Variants in MEMO1 observed in about 807,000 individuals in gnomAD.
MEMO1 encodes the protein mediator of cell motility 1, also known as protein MEMO1.
Under a neutral mutation model 45.2 loss-of-function variants are expected in MEMO1, and 6 were observed. The observed-to-expected ratio is 0.13, with a 90% CI of 0.07 to 0.26. The LOEUF (loss-of-function observed/expected upper bound fraction) is 0.26. Among genes scored for constraint, MEMO1 ranks in the 10% least tolerant of loss-of-function variants. The probability of loss-of-function intolerance (pLI) is 1.00; values close to 1 mark genes in which losing one functional copy is unlikely to be tolerated. For synonymous variants in MEMO1, 78 were observed against 124.3 expected (o/e 0.63, Z 2.48); for missense variants, 184 against 370.5 (o/e 0.50, Z 4.13).
intron 3 of MEMO1, among the ~76,000 whole-genome samples, chr2:31,936,163 C>T (rs1166901171): frequency 6.6e-6 from 1 of 151,970 alleles, no homozygotes; most frequent in Non-Finnish European, 1.5e-5. Flanking sequence ...GGGGTTTCAC[C>T]ATATGGGCCA....
At chr2:31,934,356 T>C (rs1005045597) in intron 3 of MEMO1, among the ~76,000 whole-genome samples, 1 of 151,938 alleles carries the variant, frequency 6.6e-6, no homozygotes, top group Admixed American at 6.6e-5. Flanking sequence ...TTTCTACCAA[T>C]CCTGTTCCTG....
At chr2:31,964,301 T>C (rs1668359919) in intron 2 of MEMO1, among the ~76,000 whole-genome samples, 1 of 151,712 alleles carries the variant, frequency 6.6e-6, no homozygotes, top group African/African-American at 2.4e-5. Flanking sequence ...GAAAGTGAGA[T>C]AGAGGTGAAA....
chr2:31,956,396 T>C (rs748557152), intron 2 of MEMO1, among the ~76,000 whole-genome samples: 2 of 152,200 alleles, frequency 1.3e-5, no homozygotes, highest in African/African-American at 2.4e-5. Context: ...TTTTTATTTT[T>C]CATATATTTC....
rs61352460 is a variant in MEMO1 at position 31,966,193 on chromosome 2, C to G, written c.62-22810G>C. Among the ~76,000 whole-genome samples the G allele has an allele frequency of 2.9e-3, 439 of 152,278 alleles. 4 individuals are homozygous for G. Among genetic ancestry groups the G allele is most frequent in the African/African-American group, 1.0e-2 (415 of 41,560 alleles). ...TCACAAGTCTAAATGCAGTTAGCGC[C>G]TCTTTCCAACTACCATCCCTTCATT... is the stretch of plus-strand genomic sequence containing the variant. On this transcript the variant is annotated intron_variant, in intron 2 of 9. Transcript: ENST00000404530.
At chr2:31,898,729 T>C (rs1164696875) in intron 6 of MEMO1, among the ~76,000 whole-genome samples, 1 of 152,190 alleles carries the variant, frequency 6.6e-6, no homozygotes, top group Non-Finnish European at 1.5e-5. Context: ...CTATTAGGTC[T>C]GCGTGGTCCA....
intron 6 of MEMO1, among the ~76,000 whole-genome samples, chr2:31,913,864 C>A (rs1435414275): frequency 6.6e-6 from 1 of 152,154 alleles, no homozygotes; most frequent in Non-Finnish European, 1.5e-5. Flanking sequence ...TCACTCCTCC[C>A]ATCAAAAATA....
At chr2:31,944,640 A>G (rs1424482182) in intron 2 of MEMO1, among the ~76,000 whole-genome samples, 6 of 152,148 alleles carry the variant, frequency 3.9e-5, no homozygotes, top group Non-Finnish European at 8.8e-5. Context: ...TTCTGCTCCC[A>G]TAACTATTAT....
At chr2:32,002,257 A>G (rs1222327778) in intron 2 of MEMO1, among the ~76,000 whole-genome samples, 1 of 146,734 alleles carries the variant, frequency 6.8e-6, no homozygotes, top group African/African-American at 2.5e-5. Flanking sequence ...ATATACGTGT[A>G]TATATACATA....
chr2:31,986,958 A>G (rs530462869), intron 2 of MEMO1, among the ~76,000 whole-genome samples: 1 of 152,256 alleles, frequency 6.6e-6, no homozygotes, highest in South Asian at 2.1e-4. Context: ...GCCCTAAAGT[A>G]AAGAGTGTAG....
At chr2:31,868,949 A>G (rs1673269674) in intron 9 of MEMO1, among the ~76,000 whole-genome samples, 1 of 152,202 alleles carries the variant, frequency 6.6e-6, no homozygotes, top group Non-Finnish European at 1.5e-5. Flanking sequence ...TTCAGCATTT[A>G]CTTTATAATA....
intron 2 of MEMO1, among the ~76,000 whole-genome samples, chr2:31,984,508 A>G (rs1310563496): frequency 6.6e-6 from 1 of 152,198 alleles, no homozygotes; most frequent in African/African-American, 2.4e-5. Context: ...AGATCCTAGA[A>G]CAGAGAAAGG....
intron 2 of MEMO1, among the ~76,000 whole-genome samples, chr2:31,968,411 C>T (rs1163158121): frequency 6.6e-6 from 1 of 152,178 alleles, no homozygotes; most frequent in African/African-American, 2.4e-5. Flanking sequence ...TGTTCAGGAG[C>T]TGTCATGCTG....
chr2:31,931,174 T>C (rs1664121841), intron 4 of MEMO1, among the ~76,000 whole-genome samples: 1 of 152,208 alleles, frequency 6.6e-6, no homozygotes, highest in South Asian at 2.1e-4. Flanking sequence ...TATAATACAA[T>C]GTACAGAGAA....
At chr2:31,981,243 T>C (rs575997384) in intron 2 of MEMO1, among the ~76,000 whole-genome samples, 4 of 152,294 alleles carry the variant, frequency 2.6e-5, no homozygotes, top group South Asian at 2.1e-4. Flanking sequence ...CAGGAGTAGT[T>C]AGAGTAAAGT....
intron 3 of MEMO1, among the ~76,000 whole-genome samples, chr2:31,936,214 A>G (rs1558516761): frequency 6.6e-6 from 1 of 152,016 alleles, no homozygotes; most frequent in Non-Finnish European, 1.5e-5. Context: ...CGCCTGCCTC[A>G]GCCTCCCAAA....
chr2:31,992,526 C>T (rs573536028), intron 2 of MEMO1, among the ~76,000 whole-genome samples: 11 of 152,212 alleles, frequency 7.2e-5, no homozygotes, highest in South Asian at 2.1e-4. Flanking sequence ...GTTCACACCT[C>T]TAATCCCAGC....
intron 2 of MEMO1, among the ~76,000 whole-genome samples, chr2:31,989,845 G>T (rs543571998): frequency 1.9e-3 from 284 of 152,246 alleles, no homozygotes; most frequent in Middle Eastern, 6.8e-3. Flanking sequence ...GGCCGGGTGT[G>T]GTGGCTCACA....
At chr2:31,933,363 A>G (rs1401292312) in intron 3 of MEMO1, among the ~76,000 whole-genome samples, 5 of 117,590 alleles carry the variant, frequency 4.3e-5, no homozygotes, top group Admixed American at 1.8e-4. Flanking sequence ...ATATATATAT[A>G]TATATATATA....
At chr2:31,957,332 T>C (rs1195728497) in intron 2 of MEMO1, among the ~76,000 whole-genome samples, 1 of 152,144 alleles carries the variant, frequency 6.6e-6, no homozygotes, top group Non-Finnish European at 1.5e-5. Context: ...TATGAAGTCA[T>C]AAACAATGAT....
Sources: allele counts gnomAD v4.1 joint callset (sites outside exome capture counted in the v4.1 genomes callset), GRCh38; gene constraint gnomAD v4.1.1; transcripts MANE v1.5; gene names NCBI Gene and HGNC (gene_info 2026-07-23, HGNC 2026-07-21).